Variants in CPQ observed in about 807,000 individuals in gnomAD.
The protein encoded by CPQ is carboxypeptidase Q.
In CPQ, 37 loss-of-function variants were observed where a neutral mutation model predicts 45.7. That is an observed-to-expected ratio of 0.81 (90% CI 0.62 to 1.07). CPQ has a LOEUF of 1.07. Ranked by LOEUF, CPQ falls within the 50% of genes least tolerant of loss-of-function variation. CPQ has a pLI of 0.00. For synonymous variants in CPQ, 186 were observed against 205.8 expected, an observed-to-expected ratio of 0.90 and a Z score of 0.82; for missense variants, 537 against 572.9, an observed-to-expected ratio of 0.94 and a Z score of 0.64.
At chr8:96,703,867 C>A (rs1000636459) in intron 1 of CPQ, among the ~76,000 whole-genome samples, 1 of 152,012 alleles carries the variant, frequency 6.6e-6, no homozygotes, top group Non-Finnish European at 1.5e-5. Flanking sequence ...ATTATGTATG[C>A]CTAGGGACCA....
At chr8:96,720,628 T>C (rs1051456410) in intron 1 of CPQ, among the ~76,000 whole-genome samples, 2 of 152,164 alleles carry the variant, frequency 1.3e-5, no homozygotes, top group African/African-American at 4.8e-5. Flanking sequence ...TCTGTATTCA[T>C]AGGGCAGTGT....
intron 6 of CPQ, among the ~76,000 whole-genome samples, chr8:97,036,632 C>G (rs1245181874): frequency 6.6e-6 from 1 of 152,110 alleles, no homozygotes; most frequent in Non-Finnish European, 1.5e-5. Flanking sequence ...GGAAGGAGAA[C>G]AGGATGTCAT....
rs569411310 is a variant in CPQ, at chr8:96,648,461, C to T, written c.-35+3059C>T. On this transcript the variant is annotated intron_variant, in intron 1 of 7. Coordinates refer to ENST00000220763, the MANE Select transcript of CPQ (RefSeq NM_016134.4). Reference sequence around the variant, plus strand: ...TACAGTCACATTATTAGTTCTTTCTCTTTATTCCTGGGCCCTTTTCTTTAA... The same window carrying T: ...TACAGTCACATTATTAGTTCTTTCTTTTTATTCCTGGGCCCTTTTCTTTAA... Among the ~76,000 whole-genome samples, 5 of 152,294 alleles carry T rather than the reference C, an allele frequency of 3.3e-5. No homozygotes were observed. The East Asian group carries it at 9.6e-4, about 29-fold the overall frequency.
chr8:96,814,895 A>C (rs1383011649), intron 2 of CPQ, among the ~76,000 whole-genome samples: 2 of 152,204 alleles, frequency 1.3e-5, no homozygotes, highest in Non-Finnish European at 2.9e-5. Flanking sequence ...GAAAAATGCC[A>C]ATCACAAAAG....
At chr8:96,751,557 A>T (rs776997158) in intron 1 of CPQ, among the ~76,000 whole-genome samples, 13 of 152,094 alleles carry the variant, frequency 8.5e-5, no homozygotes, top group Non-Finnish European at 1.8e-4. Context: ...AGATTATTAG[A>T]TTGCAAACAT....
intron 2 of CPQ, among the ~76,000 whole-genome samples, chr8:96,815,744 T>C (rs1412712816): frequency 3.3e-5 from 5 of 152,232 alleles, no homozygotes; most frequent in South Asian, 2.1e-4. Context: ...TCGGAGATAT[T>C]GTGGGTTTTG....
chr8:96,972,791 A>C (rs959555255), intron 5 of CPQ, among the ~76,000 whole-genome samples: 2 of 151,996 alleles, frequency 1.3e-5, no homozygotes, highest in African/African-American at 4.8e-5. Context: ...AAAAACAATC[A>C]CTACAGTTCA....
At chr8:96,949,259 T>A (rs1330909595) in intron 4 of CPQ, among the ~76,000 whole-genome samples, 1 of 43,614 alleles carries the variant, frequency 2.3e-5, no homozygotes, top group Non-Finnish European at 3.8e-5. Flanking sequence ...TTTCTTGATT[T>A]TTTTTTTTTG....
intron 7 of CPQ, among the ~76,000 whole-genome samples, chr8:97,109,377 C>A (rs1208989588): frequency 1.3e-5 from 2 of 152,138 alleles, no homozygotes; most frequent in Non-Finnish European, 2.9e-5. Flanking sequence ...GCTCTTGAGA[C>A]CACAGTTCTA....
At chr8:97,110,190 TTTTC>T (rs1811476885) in intron 7 of CPQ, among the ~76,000 whole-genome samples, 3 of 152,194 alleles carry the variant, frequency 2.0e-5, no homozygotes, top group Non-Finnish European at 2.9e-5. Context: ...AGATATTAGT[TTTTC>T]CTGTGCTTGA....
chr8:97,092,731 C>T (rs571535888), intron 7 of CPQ: 3 of 152,190 alleles, frequency 2.0e-5, no homozygotes, highest in South Asian at 4.2e-4. Flanking sequence ...ACAAGAAAAC[C>T]TTGGAAATAA....
chr8:96,745,963 A>G (rs1810174039), intron 1 of CPQ, among the ~76,000 whole-genome samples: 1 of 152,196 alleles, frequency 6.6e-6, no homozygotes, highest in Admixed American at 6.5e-5. Context: ...TTCAGTTTCC[A>G]TGAGGTTATT....
At chr8:96,733,963 C>T (rs1322003001) in intron 1 of CPQ, among the ~76,000 whole-genome samples, 1 of 152,124 alleles carries the variant, frequency 6.6e-6, no homozygotes, top group Non-Finnish European at 1.5e-5. Context: ...ATTTTTCTCC[C>T]CACATATGCT....
At chr8:97,130,418 C>A (rs1811930091) in intron 7 of CPQ, among the ~76,000 whole-genome samples, 1 of 115,172 alleles carries the variant, frequency 8.7e-6, no homozygotes, top group Admixed American at 1.1e-4. Flanking sequence ...TCATCGTCAG[C>A]TGTTTTTTTT....
At chr8:96,750,588 CTTT>C in intron 1 of CPQ, among the ~76,000 whole-genome samples, 1 of 130,336 alleles carries the variant, frequency 7.7e-6, no homozygotes, top group South Asian at 2.4e-4. Context: ...GAGATCTTTT[CTTT>C]TTTTTTTTTT....
intron 1 of CPQ, among the ~76,000 whole-genome samples, chr8:96,691,496 C>A (rs1809304590): frequency 6.6e-6 from 1 of 152,150 alleles, no homozygotes; most frequent in Non-Finnish European, 1.5e-5. Flanking sequence ...ACTAGTGTTT[C>A]TGTGTCATCT....
chr8:97,070,327 A>G (rs1810717960), intron 7 of CPQ, among the ~76,000 whole-genome samples: 1 of 152,144 alleles, frequency 6.6e-6, no homozygotes, highest in African/African-American at 2.4e-5. Context: ...ACAAACTATG[A>G]TATTGTTCTT....
At chr8:97,122,744 A>G (rs944019231) in intron 7 of CPQ, among the ~76,000 whole-genome samples, 7 of 151,180 alleles carry the variant, frequency 4.6e-5, no homozygotes, top group Non-Finnish European at 1.0e-4. Context: ...AATTAGCCGG[A>G]CATGGTGGCG....
intron 1 of CPQ, among the ~76,000 whole-genome samples, chr8:96,657,149 A>G (rs1815647465): frequency 6.6e-6 from 1 of 152,052 alleles, no homozygotes; most frequent in Non-Finnish European, 1.5e-5. Context: ...GATTGAGACC[A>G]TCCTGGCAAA....
Sources: allele counts gnomAD v4.1 joint callset (sites outside exome capture counted in the v4.1 genomes callset), GRCh38; gene constraint gnomAD v4.1.1; transcripts MANE v1.5; gene names NCBI Gene and HGNC (gene_info 2026-07-23, HGNC 2026-07-21).